The following TPRA1 variants were observed in gnomAD, a reference collection of about 807,000 sequenced individuals.
TPRA1 encodes the protein transmembrane protein adipocyte-associated 1.
In TPRA1, 28 loss-of-function variants were observed where a neutral mutation model predicts 40.1. That is an observed-to-expected ratio of 0.70 (90% CI 0.52 to 0.96). TPRA1 has a LOEUF of 0.96. Ranked by LOEUF, TPRA1 falls within the 40% of genes least tolerant of loss-of-function variation. The probability of loss-of-function intolerance (pLI) is 0.00; values close to 1 mark genes in which losing one functional copy is unlikely to be tolerated. For missense variants in TPRA1, 441 were observed against 482.6 expected, an observed-to-expected ratio of 0.91 and a Z score of 0.81; for synonymous variants, 219 against 209.7, an observed-to-expected ratio of 1.04 and a Z score of -0.38.
At chr3:127,586,944 G>T (rs1403071476) in intron 1 of TPRA1, among the ~76,000 whole-genome samples, 1 of 152,154 alleles carries the variant, frequency 6.6e-6, no homozygotes, top group African/African-American at 2.4e-5. Flanking sequence ...CATCCAGGCT[G>T]CTGCCAGTTG....
In TPRA1 at chr3:127,573,305, G is replaced by A. The variant is rs1388520951; in HGVS notation, c.*216C>T. ...GGCCATGTCACTGAGCAGTATGAGA[G>A]CAGGTGGGAAGGGGAGGAGGGTCCC... is the stretch of plus-strand genomic sequence containing the variant. On this transcript the variant is annotated 3_prime_UTR_variant, in exon 11 of 11. Transcript: ENST00000355552. The A allele has an allele frequency of 1.7e-6, 1 of 578,908 alleles. No individual in the cohort carries two copies. Among genetic ancestry groups the A allele is most frequent in the African/African-American group, 1.9e-5 (1 of 53,848 alleles). 35.9% of individuals were successfully genotyped at this position (578,908 alleles called of 1,614,324 possible). A position where few individuals can be genotyped will look rare whatever the true frequency, so the allele number is the denominator to read the frequency against.
intron 3 of TPRA1, among the ~76,000 whole-genome samples, chr3:127,577,461 C>CA (rs1424784110): frequency 6.6e-6 from 1 of 152,234 alleles, no homozygotes; most frequent in East Asian, 1.9e-4. Context: ...GGGGCAGAAA[C>CA]AAAACCTACT....
Position 127,577,092 on chromosome 3 carries a change from G to A in TPRA1, c.259-16C>T. 1.2e-6 allele frequency: 2 copies of A among 1,612,830 alleles called. No individual in the cohort carries two copies. The highest frequency in any genetic ancestry group is 1.7e-6 in the Non-Finnish European group (2 of 1,179,830). On this transcript the variant is annotated splice_polypyrimidine_tract_variant and intron_variant, in intron 3 of 10. Transcript: ENST00000355552. ...CCACAAACACCTGGTGGGCAAGGGA[G>A]TGGTGTGGCAGTCAGGGAACAAGAG...
chr3:127,587,458 T>C (rs1374207656), intron 1 of TPRA1, among the ~76,000 whole-genome samples: 1 of 152,002 alleles, frequency 6.6e-6, no homozygotes, highest in Admixed American at 6.6e-5. Context: ...AATTCACCAG[T>C]GAAAAACCTC....
At position 127,579,046 on chromosome 3, in the gene TPRA1, C is replaced by T. The variant is rs2073742269; in HGVS notation, c.258+694G>A. Among the ~76,000 whole-genome samples, 3 of 151,750 alleles carry T rather than the reference C, an allele frequency of 2.0e-5. No homozygotes were observed. The South Asian group carries it at 6.2e-4, about 32-fold the overall frequency. On this transcript the variant is annotated intron_variant, in intron 3 of 10. Coordinates refer to ENST00000355552, the MANE Select transcript of TPRA1 (RefSeq NM_001136053.4). ...CACACCTGAAGCCCACACCTGGCACCTATACTGGGACAGCCCACACCTGGA... is the reference window on the plus strand; with the variant it reads ...CACACCTGAAGCCCACACCTGGCACTTATACTGGGACAGCCCACACCTGGA...
At chr3:127,592,377 T>TTTG (rs1553740029), upstream of TPRA1, among the ~76,000 whole-genome samples, 14 of 128,764 alleles carry the variant, frequency 1.1e-4, no homozygotes, top group African/African-American at 3.9e-4. Context: ...GTTTTTTTTT[T>TTTG]TTTTTTTTTT....
At chr3:127,581,126 G>A (rs1194946591) in intron 1 of TPRA1, among the ~76,000 whole-genome samples, 2 of 152,232 alleles carry the variant, frequency 1.3e-5, no homozygotes, top group African/African-American at 2.4e-5. Flanking sequence ...AGGTACTTCC[G>A]CAGGGAGTTC....
At chr3:127,574,638 C>A (rs1293241699) in intron 10 of TPRA1, among the ~76,000 whole-genome samples, 3 of 152,234 alleles carry the variant, frequency 2.0e-5, no homozygotes, top group African/African-American at 7.2e-5. Flanking sequence ...GTGTCTGGCA[C>A]ACAGTAGGTG....
At position 127,575,267 on chromosome 3, in the gene TPRA1, T is replaced by A; in HGVS notation, c.774-2A>T. Reference sequence around the variant, plus strand: ...AGGAAGGTTGTGGCATCTACACAGCTGCGGAGAAGGCGGGTCAGCGCGGGG... The same window carrying A: ...AGGAAGGTTGTGGCATCTACACAGCAGCGGAGAAGGCGGGTCAGCGCGGGG... On this transcript the variant is annotated splice_acceptor_variant, in intron 9 of 10. Coordinates refer to ENST00000355552, the MANE Select transcript of TPRA1 (RefSeq NM_001136053.4). LOFTEE classifies it high-confidence loss of function. 6.2e-7 allele frequency: 1 copy of A among 1,613,690 alleles called. No individual in the cohort carries two copies. Among genetic ancestry groups the A allele is most frequent in the Non-Finnish European group, 8.5e-7 (1 of 1,179,782 alleles).
At chr3:127,584,205 C>T (rs2073925845) in intron 1 of TPRA1, among the ~76,000 whole-genome samples, 1 of 149,928 alleles carries the variant, frequency 6.7e-6, no homozygotes, top group South Asian at 2.1e-4. Context: ...TTTGGGAGGC[C>T]GAGGTGGGAG....
intron 3 of TPRA1, among the ~76,000 whole-genome samples, chr3:127,579,283 T>C (rs79793423): frequency 0.034 from 5,128 of 152,306 alleles, 116 homozygotes; most frequent in Middle Eastern, 0.054. Context: ...CCAGCATCCA[T>C]TCCCCTCCCC....
chr3:127,598,167 G>T (rs1254447687), exon 1 of TPRA1: 2 of 504,578 alleles, frequency 4.0e-6, no homozygotes, highest in East Asian at 3.8e-5. Context: ...AGCAAGTGTC[G>T]TCGGGTCCCC....
chr3:127,576,503 A>G lies in TPRA1; in HGVS notation c.498+114T>C, dbSNP rs1303639719. 2.8e-6 allele frequency: 3 copies of G among 1,063,478 alleles called. No homozygotes were observed. The highest frequency in any genetic ancestry group is 1.6e-5 in the South Asian group (1 of 61,326). 65.9% of individuals were successfully genotyped at this position (1,063,478 alleles called of 1,614,324 possible). The stretch of plus-strand genomic sequence containing the variant: ...GCACCCCATGTGATTTCTCAGGTGC[A>G]AAGTTTTGAGAACTCTGAAGGTGAT... On this transcript the variant is annotated intron_variant, in intron 6 of 10. Coordinates refer to ENST00000355552, the MANE Select transcript of TPRA1 (RefSeq NM_001136053.4). The surrounding 1 kb of genome is among the most constrained non-coding windows in gnomAD (Gnocchi z 4.6).
intron 1 of TPRA1, among the ~76,000 whole-genome samples, chr3:127,582,656 C>G (rs1446251264): frequency 6.9e-6 from 1 of 145,130 alleles, no homozygotes; most frequent in Non-Finnish European, 1.5e-5. Flanking sequence ...GAGCTGAGAT[C>G]GTGCCACTGC....
In TPRA1 at chr3:127,575,732, G is replaced by A. The variant is rs374961324; in HGVS notation, c.670+17C>T. 56 of 1,612,998 alleles carry A rather than the reference G, an allele frequency of 3.5e-5. No individual in the cohort carries two copies. Among genetic ancestry groups the A allele is most frequent in the South Asian group, 6.6e-5 (6 of 91,078 alleles). Reference sequence around the variant, plus strand: ...TCCCATCCCCGCCTGTCCCAGAGCCGCCGGCCAGCTGCTCACAAGGCAGGG... The same window carrying A: ...TCCCATCCCCGCCTGTCCCAGAGCCACCGGCCAGCTGCTCACAAGGCAGGG... On this transcript the variant is annotated intron_variant, in intron 8 of 10. Transcript: ENST00000355552.
intron 2 of TPRA1, 33 bp from the exon 3 acceptor site, chr3:127,579,905 C>A: frequency 6.2e-7 from 1 of 1,611,538 alleles, no homozygotes; most frequent in Non-Finnish European, 8.5e-7. Context: ...GGCTCACTGG[C>A]GAGGCCACAT....
chr3:127,595,794 C>A (rs1043081923), intron 1 of TPRA1: 4 of 152,234 alleles, frequency 2.6e-5, no homozygotes, highest in African/African-American at 9.6e-5. Context: ...AAACCAGCTG[C>A]CAGGTTGTAA....
rs1162967886 is a variant in TPRA1 at position 127,575,731 on chromosome 3, C to T, written c.670+18G>A. 14 of 1,612,958 alleles carry T rather than the reference C, an allele frequency of 8.7e-6. No individual in the cohort carries two copies. The highest frequency in any genetic ancestry group is 4.4e-5 in the South Asian group (4 of 91,080). On this transcript the variant is annotated intron_variant, in intron 8 of 10. Transcript: ENST00000355552. ...CTCCCATCCCCGCCTGTCCCAGAGC[C>T]GCCGGCCAGCTGCTCACAAGGCAGG...
intron 10 of TPRA1, chr3:127,574,859 T>C (rs1189818936): frequency 4.8e-6 from 2 of 415,800 alleles, no homozygotes; most frequent in African/African-American, 2.0e-5. Context: ...TGTGTATGCA[T>C]GCATGTGGGT....
Sources: allele counts gnomAD v4.1 joint callset (sites outside exome capture counted in the v4.1 genomes callset), GRCh38; gene constraint gnomAD v4.1.1; non-coding constraint Gnocchi (gnomAD v3.1); transcripts MANE v1.5; gene names NCBI Gene and HGNC (gene_info 2026-07-23, HGNC 2026-07-21).